Variants in NAV2 observed in about 807,000 individuals in gnomAD.
NAV2 encodes neuron navigator 2, also known as helicase, APC down-regulated 1.
NAV2 carries 54 observed loss-of-function variants against 223.2 expected under a neutral mutation model. That is an observed-to-expected ratio of 0.24 (90% CI 0.19 to 0.30). The LOEUF is 0.30. Ranked by LOEUF, NAV2 falls within the 10% of genes least tolerant of loss-of-function variation. The pLI is 1.00. For synonymous variants in NAV2, 1,279 were observed against 1,239.3 expected, an observed-to-expected ratio of 1.03 and a Z score of -0.67; for missense variants, 2,806 against 3,147.5, an observed-to-expected ratio of 0.89 and a Z score of 2.60.
At chr11:20,095,359 C>T (rs2153690456) in intron 29 of NAV2, among the ~76,000 whole-genome samples, 1 of 152,258 alleles carries the variant, frequency 6.6e-6, no homozygotes, top group East Asian at 1.9e-4. Flanking sequence ...AGATGCTAGA[C>T]AGATGTGGAG....
At chr11:19,981,278 C>G (rs557260599) in intron 10 of NAV2, 2 of 152,286 alleles carry the variant, frequency 1.3e-5, no homozygotes, top group South Asian at 4.1e-4. Flanking sequence ...GAGGCTTTCC[C>G]GCTTTTCTGG....
chr11:19,776,859 A>G (rs898179163), intron 1 of NAV2, among the ~76,000 whole-genome samples: 11 of 152,036 alleles, frequency 7.2e-5, no homozygotes, highest in African/African-American at 2.7e-4. Flanking sequence ...CCCGGGAGCC[A>G]TGAACTGCGC....
At chr11:20,002,919 A>G (rs1299798586) in intron 11 of NAV2, among the ~76,000 whole-genome samples, 2 of 152,228 alleles carry the variant, frequency 1.3e-5, no homozygotes, top group African/African-American at 4.8e-5. Flanking sequence ...GGCTCACAGT[A>G]TTAGAACTGG....
At chr11:19,498,185 C>T (rs2042858315) in intron 1 of NAV2, among the ~76,000 whole-genome samples, 1 of 152,292 alleles carries the variant, frequency 6.6e-6, no homozygotes, top group South Asian at 2.1e-4. Flanking sequence ...CCATGTGGCT[C>T]CTCCAGAGAA....
At chr11:19,520,167 A>G (rs1418177697) in intron 1 of NAV2, among the ~76,000 whole-genome samples, 2 of 152,180 alleles carry the variant, frequency 1.3e-5, no homozygotes, top group Non-Finnish European at 2.9e-5. Context: ...GCCACTGACC[A>G]CAGGGACCCC....
At position 19,933,924 on chromosome 11, in the gene NAV2, C is replaced by A. The variant is rs770370693; in HGVS notation, c.1680C>A (p.Ser560=). 1 of 1,590,436 alleles carries A rather than the reference C, an allele frequency of 6.3e-7. No homozygotes were observed. The highest frequency in any genetic ancestry group is 8.5e-7 in the Non-Finnish European group (1 of 1,171,178). Residue 560 remains serine (S), a synonymous_variant, in exon 7 of 38, where the codon TCC becomes TCA. Transcript: ENST00000349880. The surrounding 1 kb of genome is among the most constrained non-coding windows in gnomAD (Gnocchi z 4.3). ...NSAKKEPMAP[S]HSGIPKPGMK... is the part of the protein sequence containing the mutation. ...CCAAGAAGGAGCCCATGGCCCCTTC[C>A]CACAGTGGAATACCAAAACCAGGAA...
intron 1 of NAV2, among the ~76,000 whole-genome samples, chr11:19,552,892 TG>T (rs2044735041): frequency 1.5e-5 from 1 of 66,198 alleles, no homozygotes; most frequent in South Asian, 5.4e-4. Flanking sequence ...TGTGAGTGTG[TG>T]TGGGGGGGAA....
At chr11:19,453,025 A>T (rs1043883623) in intron 1 of NAV2, among the ~76,000 whole-genome samples, 12 of 152,210 alleles carry the variant, frequency 7.9e-5, no homozygotes, top group Admixed American at 2.6e-4. Flanking sequence ...TTCCATCAAG[A>T]TCACATGAAC....
intron 1 of NAV2, among the ~76,000 whole-genome samples, chr11:19,821,608 C>G (rs1057133116): frequency 1.3e-5 from 2 of 151,954 alleles, no homozygotes; most frequent in Admixed American, 6.5e-5. Flanking sequence ...CTGAGTGTTT[C>G]CCTACTTGGA....
chr11:19,952,358 C>T (rs942640474), intron 10 of NAV2, among the ~76,000 whole-genome samples: 3 of 152,176 alleles, frequency 2.0e-5, no homozygotes, highest in African/African-American at 7.2e-5. Flanking sequence ...TGAAGTGCTA[C>T]AATTAATATG....
intron 1 of NAV2, among the ~76,000 whole-genome samples, chr11:19,614,728 G>A (rs888609854): frequency 2.0e-5 from 3 of 152,124 alleles, no homozygotes; most frequent in South Asian, 2.1e-4. Context: ...TGGTGGAGGC[G>A]TTTTCTCTGT....
At chr11:19,385,282 G>A (rs984213917) in intron 1 of NAV2, among the ~76,000 whole-genome samples, 4 of 131,640 alleles carry the variant, frequency 3.0e-5, no homozygotes, top group African/African-American at 1.0e-4. Flanking sequence ...AAAATGATTT[G>A]ATGTGATAAA....
intron 1 of NAV2, chr11:19,778,352 G>T: frequency 2.2e-6 from 1 of 455,818 alleles, no homozygotes; most frequent in Non-Finnish European, 4.4e-6. Context: ...AATGGAGCAA[G>T]TTCCCACCTT....
chr11:19,769,148 A>C (rs1016837431), intron 1 of NAV2, among the ~76,000 whole-genome samples: 2 of 152,198 alleles, frequency 1.3e-5, no homozygotes, highest in Admixed American at 1.3e-4. Context: ...TTTTTGAAAA[A>C]TATAAAACCA....
chr11:19,872,019 G>A (rs2062543174), intron 4 of NAV2, among the ~76,000 whole-genome samples: 1 of 152,130 alleles, frequency 6.6e-6, no homozygotes, highest in Non-Finnish European at 1.5e-5. Flanking sequence ...TTTTTTGGAG[G>A]TTGGGGAGTG....
At chr11:19,750,471 C>A (rs1205335251) in intron 1 of NAV2, among the ~76,000 whole-genome samples, 2 of 152,194 alleles carry the variant, frequency 1.3e-5, no homozygotes, top group Admixed American at 6.5e-5. Context: ...GCTTGCTGTC[C>A]TAGACTCTGA....
At chr11:19,761,290 T>G (rs1443734812) in intron 1 of NAV2, among the ~76,000 whole-genome samples, 1 of 152,218 alleles carries the variant, frequency 6.6e-6, no homozygotes, top group Non-Finnish European at 1.5e-5. Flanking sequence ...TGGCAAAATT[T>G]CTATTCTATG....
intron 1 of NAV2, among the ~76,000 whole-genome samples, chr11:19,714,947 G>A (rs746601104): frequency 1.2e-4 from 18 of 152,154 alleles, no homozygotes; most frequent in South Asian, 4.1e-4. Flanking sequence ...GTGACTGTCC[G>A]GTTAGGAGAG....
At chr11:19,463,867 C>T (rs899924846) in intron 1 of NAV2, among the ~76,000 whole-genome samples, 2 of 151,916 alleles carry the variant, frequency 1.3e-5, no homozygotes, top group Non-Finnish European at 2.9e-5. Context: ...AAGGGCTGGG[C>T]TGGGGGTCCT....
Sources: allele counts gnomAD v4.1 joint callset (sites outside exome capture counted in the v4.1 genomes callset), GRCh38; gene constraint gnomAD v4.1.1; non-coding constraint Gnocchi (gnomAD v3.1); transcripts MANE v1.5; gene names NCBI Gene and HGNC (gene_info 2026-07-23, HGNC 2026-07-21).